Variants in PTPRD observed in about 807,000 individuals in gnomAD.
PTPRD encodes the protein protein tyrosine phosphatase receptor type D.
In PTPRD, 34 loss-of-function variants were observed where a neutral mutation model predicts 214.5. The observed-to-expected ratio is 0.16, with a 90% CI of 0.12 to 0.21. PTPRD has a LOEUF of 0.21. PTPRD is among the 10% of genes least tolerant of loss of function. PTPRD has a pLI of 1.00. For missense variants in PTPRD, 2,545 were observed against 2,398.7 expected (o/e 1.06, Z -1.27); for synonymous variants, 1,128 against 845.7 (o/e 1.33, Z -5.79).
At chr9:9,089,979 G>T (rs926330730) in intron 10 of PTPRD, among the ~76,000 whole-genome samples, 2 of 152,072 alleles carry the variant, frequency 1.3e-5, no homozygotes, top group Non-Finnish European at 1.5e-5. Flanking sequence ...GGGTATATGT[G>T]ATATTTTGAT....
intron 9 of PTPRD, among the ~76,000 whole-genome samples, chr9:9,275,237 CTTTGAA>C (rs1945144635): frequency 8.9e-6 from 1 of 111,744 alleles, no homozygotes; most frequent in African/African-American, 3.6e-5. Context: ...ATTTCATGCT[CTTTGAA>C]TTTGAATTGG....
At chr9:8,430,274 T>A (rs371503274) in intron 35 of PTPRD, among the ~76,000 whole-genome samples, 3 of 151,916 alleles carry the variant, frequency 2.0e-5, no homozygotes, top group African/African-American at 7.3e-5. Context: ...TTTTATTTTT[T>A]TTTTACTTTT....
At chr9:9,420,948 T>C (rs1408083497) in intron 8 of PTPRD, among the ~76,000 whole-genome samples, 1 of 151,998 alleles carries the variant, frequency 6.6e-6, no homozygotes, top group Non-Finnish European at 1.5e-5. Flanking sequence ...ATTTTTGTGA[T>C]ATCTCTTCAA....
chr9:9,158,298 C>T (rs764364158), intron 10 of PTPRD, among the ~76,000 whole-genome samples: 25 of 152,040 alleles, frequency 1.6e-4, no homozygotes, highest in Admixed American at 5.9e-4. Flanking sequence ...GCCACACTGT[C>T]GTCAACAATC....
chr9:9,030,815 C>T (rs962398192), intron 10 of PTPRD, among the ~76,000 whole-genome samples: 4 of 151,974 alleles, frequency 2.6e-5, no homozygotes, highest in African/African-American at 9.7e-5. Flanking sequence ...ATCCTGTATA[C>T]TCTAGATTGC....
intron 11 of PTPRD, among the ~76,000 whole-genome samples, chr9:9,008,522 G>C (rs1325280535): frequency 6.6e-6 from 1 of 151,802 alleles, no homozygotes; most frequent in Non-Finnish European, 1.5e-5. Flanking sequence ...CACCGCGCCC[G>C]GCCTCCCCTT....
chr9:9,323,608 C>A (rs1293577700), intron 9 of PTPRD, among the ~76,000 whole-genome samples: 4 of 152,096 alleles, frequency 2.6e-5, no homozygotes, highest in Non-Finnish European at 4.4e-5. Flanking sequence ...TTATCTCAAA[C>A]AAATTGGCTT....
intron 12 of PTPRD, among the ~76,000 whole-genome samples, chr9:8,729,979 G>A (rs779750076): frequency 1.1e-4 from 17 of 152,208 alleles, no homozygotes; most frequent in Admixed American, 1.3e-4. Flanking sequence ...AGTATAGGCC[G>A]GGCGTGGTGG....
rs544027844 is a variant in PTPRD, at chr9:9,243,334, C to CA, written c.-202-59972dup. ...ATACCAAAGCCTGGCAGAGACACAA[C>CA]AAAAAAAGAGAATTTTAGACTAATA... On this transcript the variant is annotated intron_variant, in intron 9 of 45. Transcript: ENST00000381196. Among the ~76,000 whole-genome samples, 675 of 151,980 alleles carry CA rather than the reference C, an allele frequency of 4.4e-3. 10 individuals carry two copies. The highest frequency in any genetic ancestry group is 0.033 in the East Asian group (169 of 5,144).
rs181508359 is a variant in PTPRD, at chr9:9,222,369, A to C, written c.-202-39006T>G. ...TAAAAATGGCATTATTTTTGAAATA[A>C]ATAGCACTTTAAGCTAGGCATATTT... On this transcript the variant is annotated intron_variant, in intron 9 of 45. Coordinates refer to ENST00000381196, the MANE Select transcript of PTPRD (RefSeq NM_002839.4). Among the ~76,000 whole-genome samples the C allele has an allele frequency of 3.4e-3, 511 of 152,174 alleles. 3 individuals are homozygous for C. Among genetic ancestry groups the C allele is most frequent in the African/African-American group, 0.012 (498 of 41,558 alleles).
intron 9 of PTPRD, among the ~76,000 whole-genome samples, chr9:9,341,287 G>C (rs1231109518): frequency 6.6e-6 from 1 of 152,062 alleles, no homozygotes. Flanking sequence ...TCAGGGCCCT[G>C]AGATGAATGT....
chr9:10,090,729 T>C (rs138208677), intron 3 of PTPRD, among the ~76,000 whole-genome samples: 1 of 145,278 alleles, frequency 6.9e-6, no homozygotes, highest in Non-Finnish European at 1.5e-5. Context: ...GAATCTAGTA[T>C]GCAAACTTAT....
chr9:9,474,601 T>C (rs190276293), intron 8 of PTPRD, among the ~76,000 whole-genome samples: 1 of 152,246 alleles, frequency 6.6e-6, no homozygotes, highest in East Asian at 1.9e-4. Context: ...TTTGTTTGTG[T>C]TCTCTTCAAT....
Position 9,451,812 on chromosome 9 carries a change from TAGA to T in PTPRD, c.-236-54333_-236-54331del, listed in dbSNP as rs953773903. Among the ~76,000 whole-genome samples, 32 of 151,520 alleles carry T rather than the reference TAGA, an allele frequency of 2.1e-4. 1 individual carries two copies. The highest frequency in any genetic ancestry group is 1.0e-3 in the South Asian group (5 of 4,820). On this transcript the variant is annotated intron_variant, in intron 8 of 45. Transcript: ENST00000381196. The stretch of plus-strand genomic sequence containing the variant: ...AATACAAAAATTAATTTTAGAAAGT[TAGA>T]AGAATGGGTTGAATTTGCGCTATAG...
intron 11 of PTPRD, among the ~76,000 whole-genome samples, chr9:8,753,380 T>C (rs1316441854): frequency 2.0e-5 from 3 of 152,242 alleles, no homozygotes; most frequent in African/African-American, 7.2e-5. Context: ...GCTATTTTCC[T>C]TAAGCAGGTT....
chr9:9,821,957 A>C (rs968617459), intron 5 of PTPRD, among the ~76,000 whole-genome samples: 1 of 149,600 alleles, frequency 6.7e-6, no homozygotes, highest in African/African-American at 2.4e-5. Flanking sequence ...TATATATTAA[A>C]TTTTGTAGGA....
At chr9:8,826,624 G>C (rs2097180143) in intron 11 of PTPRD, among the ~76,000 whole-genome samples, 1 of 122,786 alleles carries the variant, frequency 8.1e-6, no homozygotes. Context: ...CAAGACTGCA[G>C]GCACCATCTT....
At chr9:8,559,707 TC>T (rs1469324716) in intron 14 of PTPRD, among the ~76,000 whole-genome samples, 1 of 152,152 alleles carries the variant, frequency 6.6e-6, no homozygotes, top group Non-Finnish European at 1.5e-5. Context: ...TGCAAAAGAA[TC>T]CCTCTATCAC....
intron 2 of PTPRD, among the ~76,000 whole-genome samples, chr9:10,389,714 C>T (rs2098014870): frequency 6.6e-6 from 1 of 151,800 alleles, no homozygotes; most frequent in South Asian, 2.1e-4. Context: ...CTCCATACCA[C>T]TCATCATTGA....
Sources: gnomAD v4.1 joint callset for allele counts (sites outside exome capture counted in the v4.1 genomes callset) on GRCh38, gnomAD v4.1.1 for gene constraint, MANE v1.5 for transcripts, NCBI Gene and HGNC (gene_info 2026-07-23, HGNC 2026-07-21) for gene names.